The following GBE1 variants were observed in gnomAD, a reference collection of about 807,000 sequenced individuals.
GBE1 encodes 1,4-alpha-glucan-branching enzyme.
In GBE1, 70 loss-of-function variants were observed where a neutral mutation model predicts 88.8. That is an observed-to-expected ratio of 0.79 (90% CI 0.65 to 0.96). The LOEUF (loss-of-function observed/expected upper bound fraction) is 0.96, where lower values mean the gene tolerates loss of function less well. Among genes scored for constraint, GBE1 ranks in the 40% least tolerant of loss-of-function variants. GBE1 has a pLI of 0.00. For missense variants in GBE1, 872 were observed against 871.0 expected, an observed-to-expected ratio of 1.00 and a Z score of -0.01; for synonymous variants, 284 against 300.1, an observed-to-expected ratio of 0.95 and a Z score of 0.56.
In GBE1 at chr3:81,707,852, T is replaced by C. The variant is rs117156629; in HGVS notation, c.144-2239A>G. On this transcript the variant is annotated intron_variant, in intron 1 of 15. Transcript: ENST00000429644. ...ACATTTATTTTCTCATGTCTCATTATAGTATTTCTATCAAGCATTTTCTTT... is the reference window on the plus strand; with the variant it reads ...ACATTTATTTTCTCATGTCTCATTACAGTATTTCTATCAAGCATTTTCTTT... Among the ~76,000 whole-genome samples the C allele has an allele frequency of 2.2e-4, 34 of 152,188 alleles. No homozygotes were observed. The East Asian group carries it at 5.8e-3, about 26-fold the overall frequency.
At chr3:81,594,082 T>C in intron 7 of GBE1, 59 bp from the exon 8 acceptor site, 2 of 725,116 alleles carry the variant, frequency 2.8e-6, no homozygotes. Flanking sequence ...TCCTTAACTG[T>C]TATAAATGTT....
chr3:81,725,366 T>G (rs777497039), intron 1 of GBE1, among the ~76,000 whole-genome samples: 2 of 152,170 alleles, frequency 1.3e-5, no homozygotes, highest in African/African-American at 2.4e-5. Flanking sequence ...GGGTCAGGAT[T>G]ATCAATATCA....
At chr3:81,685,164 C>T (rs910053808) in intron 2 of GBE1, among the ~76,000 whole-genome samples, 2 of 152,120 alleles carry the variant, frequency 1.3e-5, no homozygotes, top group Non-Finnish European at 2.9e-5. Context: ...CTTGTATACT[C>T]TACTTCCTTG....
At chr3:81,725,258 A>G (rs900032487) in intron 1 of GBE1, among the ~76,000 whole-genome samples, 1 of 152,162 alleles carries the variant, frequency 6.6e-6, no homozygotes, top group Non-Finnish European at 1.5e-5. Context: ...TTTTGTAATA[A>G]TATGTAGCTT....
chr3:81,633,967 A>C (rs942169818), intron 7 of GBE1, among the ~76,000 whole-genome samples: 3 of 152,178 alleles, frequency 2.0e-5, no homozygotes, highest in Admixed American at 6.6e-5. Context: ...GGTTTCATAT[A>C]AAATGTGGGC....
intron 7 of GBE1, among the ~76,000 whole-genome samples, chr3:81,598,629 T>C (rs1014515728): frequency 6.6e-6 from 1 of 151,940 alleles, no homozygotes; most frequent in African/African-American, 2.4e-5. Context: ...AAGAGAAAAC[T>C]TGAAATGATT....
intron 2 of GBE1, among the ~76,000 whole-genome samples, chr3:81,688,613 C>T (rs993600972): frequency 1.3e-5 from 2 of 151,862 alleles, no homozygotes; most frequent in African/African-American, 2.4e-5. Context: ...AGAATTATAC[C>T]TGTGTTTAGC....
chr3:81,539,921 G>A (rs545044505), intron 12 of GBE1, among the ~76,000 whole-genome samples: 1 of 151,968 alleles, frequency 6.6e-6, no homozygotes, highest in Non-Finnish European at 1.5e-5. Context: ...TTGTAGGTGG[G>A]GAGAAAGAGT....
rs754723433 is a variant in GBE1, at chr3:81,581,132, G to A, written c.1446+33C>T. On this transcript the variant is annotated intron_variant, in intron 11 of 15. Coordinates refer to ENST00000429644, the MANE Select transcript of GBE1 (RefSeq NM_000158.4). ...AGGGAAGGAGGAAGAGAGAGAGAGA[G>A]AAATAAATGAATTTATGCACATATT... The A allele has an allele frequency of 4.1e-6, 5 of 1,214,838 alleles. No individual in the cohort carries two copies. The Admixed American group carries it at 7.6e-5, about 19-fold the overall frequency. 75.3% of individuals were successfully genotyped at this position (1,214,838 alleles called of 1,614,324 possible).
intron 2 of GBE1, among the ~76,000 whole-genome samples, chr3:81,701,589 G>A (rs1380363144): frequency 2.6e-5 from 4 of 151,650 alleles, no homozygotes; most frequent in Non-Finnish European, 5.9e-5. Context: ...TCACAATCTA[G>A]TTAGTACCTA....
At chr3:81,648,467 T>A (rs1227720929) in intron 5 of GBE1, among the ~76,000 whole-genome samples, 1 of 151,880 alleles carries the variant, frequency 6.6e-6, no homozygotes, top group Admixed American at 6.6e-5. Flanking sequence ...ACAAAATGAG[T>A]TCCGGTCACA....
At chr3:81,684,344 C>T (rs1292711639) in intron 2 of GBE1, among the ~76,000 whole-genome samples, 18 of 152,194 alleles carry the variant, frequency 1.2e-4, no homozygotes, top group Non-Finnish European at 1.9e-4. Context: ...ATAACAAATA[C>T]CACAGACTGG....
At chr3:81,579,657 C>G (rs1703693833) in intron 11 of GBE1, among the ~76,000 whole-genome samples, 1 of 151,794 alleles carries the variant, frequency 6.6e-6, no homozygotes, top group African/African-American at 2.4e-5. Context: ...AGAGTTTCCC[C>G]CTCCCCACCC....
intron 1 of GBE1, among the ~76,000 whole-genome samples, chr3:81,717,180 T>G (rs980299405): frequency 1.3e-5 from 2 of 152,220 alleles, no homozygotes; most frequent in Non-Finnish European, 2.9e-5. Flanking sequence ...GCTAACACAG[T>G]CTTAGTCTAC....
chr3:81,725,700 A>C (rs899208506), intron 1 of GBE1, among the ~76,000 whole-genome samples: 1 of 152,208 alleles, frequency 6.6e-6, no homozygotes, highest in Non-Finnish European at 1.5e-5. Context: ...GCATCTCTAG[A>C]AACACATTAG....
At chr3:81,655,513 A>ATTG (rs60326449) in intron 3 of GBE1, among the ~76,000 whole-genome samples, 23,498 of 151,618 alleles carry the variant, frequency 0.15, 1,880 homozygotes, top group Non-Finnish European at 0.19. Context: ...TGTTTTTGTT[A>ATTG]TTGTTGTTGT....
At position 81,711,171 on chromosome 3, in the gene GBE1, T is replaced by C. The variant is rs186687134; in HGVS notation, c.144-5558A>G. ...GGATCATCCCTTACCTGGAAATGTATTGAGTATAGAATCCATTCTCAAGTG... is the reference window on the plus strand; with the variant it reads ...GGATCATCCCTTACCTGGAAATGTACTGAGTATAGAATCCATTCTCAAGTG... On this transcript the variant is annotated intron_variant, in intron 1 of 15. Coordinates refer to ENST00000429644, the MANE Select transcript of GBE1 (RefSeq NM_000158.4). Among the ~76,000 whole-genome samples, 203 of 152,342 alleles carry C rather than the reference T, an allele frequency of 1.3e-3. 1 individual carries two copies. The Middle Eastern group carries it at 0.031, about 23-fold the overall frequency.
rs71326475 is a variant in GBE1, at chr3:81,563,209, T to A, written c.1618+14716A>T. On this transcript the variant is annotated intron_variant, in intron 12 of 15. Coordinates refer to ENST00000429644, the MANE Select transcript of GBE1 (RefSeq NM_000158.4). ...ATCAATTCTTTTTGGAAAGAAGATCTGTAGGTTTTCTGGTAACCTCTAGAA... is the reference window on the plus strand; with the variant it reads ...ATCAATTCTTTTTGGAAAGAAGATCAGTAGGTTTTCTGGTAACCTCTAGAA... Among the ~76,000 whole-genome samples the A allele has an allele frequency of 7.2e-5, 11 of 152,144 alleles. No individual in the cohort carries two copies. In the East Asian group the frequency reaches 2.1e-3, roughly 29 times the overall value.
intron 3 of GBE1, among the ~76,000 whole-genome samples, chr3:81,663,474 G>A (rs972039531): frequency 1.3e-5 from 2 of 152,058 alleles, no homozygotes; most frequent in Admixed American, 6.5e-5. Context: ...GCCACTGAAG[G>A]GCCCAACTCC....
Sources: allele counts gnomAD v4.1 joint callset (sites outside exome capture counted in the v4.1 genomes callset), GRCh38; gene constraint gnomAD v4.1.1; transcripts MANE v1.5; gene names NCBI Gene and HGNC (gene_info 2026-07-23, HGNC 2026-07-21).